The following UTP14C variants were observed in gnomAD, a reference collection of about 807,000 sequenced individuals.
The protein encoded by UTP14C is U3 small nucleolar RNA-associated protein 14 homolog C.
UTP14C carries 10 observed loss-of-function variants against 14.6 expected under a neutral mutation model. That is an observed-to-expected ratio of 0.68 (90% CI 0.42 to 1.16). The LOEUF (loss-of-function observed/expected upper bound fraction) is 1.16. UTP14C is among the 50% of genes most tolerant of loss of function. The pLI is 0.00. For synonymous variants in UTP14C, 315 were observed against 331.6 expected (o/e 0.95, Z 0.54); for missense variants, 818 against 890.8 (o/e 0.92, Z 1.04).
Position 52,030,925 on chromosome 13 carries a change from C to T in UTP14C, c.2121C>T (p.Asn707=). The change falls in exon 2 of 2, where the codon AAC becomes AAT. Residue 707 remains asparagine, a synonymous_variant. Transcript: ENST00000521776. ...AGACCCCTATAGGATCCACATGGAA[C>T]ACCCAGAGGGCTTTCCAAAAGCTGA... ...TIQTPIGSTW[N]TQRAFQKLTT... is the part of the protein sequence containing the mutation. 2 of 1,614,186 alleles carry T rather than the reference C, an allele frequency of 1.2e-6. No homozygotes were observed. Among genetic ancestry groups the T allele is most frequent in the Non-Finnish European group, 1.7e-6 (2 of 1,180,024 alleles).
intron 1 of UTP14C, among the ~76,000 whole-genome samples, chr13:52,025,270 G>A (rs41292792): frequency 0.1 from 15,698 of 152,176 alleles, 814 homozygotes; most frequent in Middle Eastern, 0.13. Flanking sequence ...GAAATTGCTC[G>A]AGTTCAGTTA....
At chr13:52,025,766 TCA>T (rs1173972600) in intron 1 of UTP14C, among the ~76,000 whole-genome samples, 1 of 152,248 alleles carries the variant, frequency 6.6e-6, no homozygotes, top group East Asian at 1.9e-4. Context: ...GCTTTGTGCC[TCA>T]CACTGTTAGT....
intron 1 of UTP14C, 63 bp downstream of exon 1, chr13:52,025,000 T>C (rs1954227264): frequency 6.7e-7 from 1 of 1,501,970 alleles, no homozygotes. Flanking sequence ...GTTCTTTTGA[T>C]AAAATGATAA....
rs1156339019 is a variant in UTP14C at position 52,029,884 on chromosome 13, G to A, written c.1080G>A (p.Ala360=). 1.1e-5 allele frequency: 17 copies of A among 1,614,080 alleles called. No individual in the cohort carries two copies. The highest frequency in any genetic ancestry group is 3.3e-5 in the Admixed American group (2 of 60,004). Residue 360 remains alanine, a synonymous_variant, in exon 2 of 2, where the codon GCG becomes GCA. Coordinates refer to ENST00000521776, the MANE Select transcript of UTP14C (RefSeq NM_021645.6). ...AAGAACTCCTTGTCCCTCATGTAGC[G>A]AATGAAGTGCAGATGAATGTGGACG... is the stretch of plus-strand genomic sequence containing the variant. ...EVEELLVPHV[A]NEVQMNVDGP... is the part of the protein sequence containing the mutation.
rs748705291 is a variant in UTP14C at position 52,030,322 on chromosome 13, A to G, written c.1518A>G (p.Val506=). ...EPLLLQRSER[V]QTLEELEELG... ...TATTGCTACAGAGGTCAGAGAGAGT[A>G]CAAACTCTGGAAGAGCTAGAAGAGC... Residue 506 remains valine (V), a synonymous_variant, in exon 2 of 2, where the codon GTA becomes GTG. Transcript: ENST00000521776. The G allele has an allele frequency of 1.9e-6, 3 of 1,614,244 alleles. No homozygotes were observed. In the South Asian group the frequency reaches 3.3e-5, roughly 18 times the overall value.
At position 52,028,797 on chromosome 13, in the gene UTP14C, C is replaced by T. The variant is rs1172919363; in HGVS notation, c.-8C>T. On this transcript the variant is annotated 5_prime_UTR_variant, in exon 2 of 2. Transcript: ENST00000521776. ...TCTTGGTATACATGAGAGAGGCTGG[C>T]TGCTGAGATGAATGTGAACCAGGTT... 1 of 1,614,134 alleles carries T rather than the reference C, an allele frequency of 6.2e-7. No individual in the cohort carries two copies. Among genetic ancestry groups the T allele is most frequent in the South Asian group, 1.1e-5 (1 of 91,082 alleles).
chr13:52,028,305 G>T lies in UTP14C; in HGVS notation c.-486-14G>T, dbSNP rs752238208. On this transcript the variant is annotated splice_polypyrimidine_tract_variant and intron_variant, in intron 1 of 1. Transcript: ENST00000521776. ...AAACTTAAAAGATTACATGATTTGT[G>T]TTTTTTTTCTCAGGAGTTGTGGAGT... is the stretch of plus-strand genomic sequence containing the variant. The T allele has an allele frequency of 6.2e-7, 1 of 1,613,630 alleles. No homozygotes were observed. The highest frequency in any genetic ancestry group is 8.5e-7 in the Non-Finnish European group (1 of 1,179,726).
rs1053490230 is a variant in UTP14C at position 52,030,829 on chromosome 13, C to T, written c.2025C>T (p.His675=). 4 of 1,614,174 alleles carry T rather than the reference C, an allele frequency of 2.5e-6. No individual in the cohort carries two copies. The highest frequency in any genetic ancestry group is 2.2e-5 in the East Asian group (1 of 44,884). ...TTATCAGTGAGAAGCGCAACATCCA[C>T]GCAGCAGCTCATCAGGTACAAGTGC... is the stretch of plus-strand genomic sequence containing the variant. ...NVIISEKRNI[H]AAAHQVQVLP... Residue 675 remains histidine (H), a synonymous_variant, in exon 2 of 2, where the codon CAC becomes CAT. Transcript: ENST00000521776.
chr13:52,033,344 A>C lies in UTP14C; in HGVS notation c.*2239A>C, dbSNP rs898446573. 3 of 167,068 alleles carry C rather than the reference A, an allele frequency of 1.8e-5. No individual in the cohort carries two copies. The highest frequency in any genetic ancestry group is 4.4e-5 in the Non-Finnish European group (3 of 68,118). The allele number at this position is 167,068 out of a possible 1,614,324, so 10.3% of individuals were successfully genotyped here. A position where few individuals can be genotyped will look rare whatever the true frequency, so the allele number is the denominator to read the frequency against. Reference sequence around the variant, plus strand: ...TTGTGTACTATAAAGTGTGTGTTACATAGGTTTTGTGTAATAATTATTTGT... The same window carrying C: ...TTGTGTACTATAAAGTGTGTGTTACCTAGGTTTTGTGTAATAATTATTTGT... On this transcript the variant is annotated 3_prime_UTR_variant, in exon 2 of 2. Transcript: ENST00000521776.
In UTP14C at chr13:52,029,012, G is replaced by A. The variant is rs777158372; in HGVS notation, c.208G>A (p.Val70Met). ...TGAGAGGTCTGAGGCTAGTCTGAAA[G>A]TGTCAGAGTTCAGTGTCAGTTCTGA... ...LAERSEASLK[V>M]SEFSVSSEGS... Residue 70 changes from valine to methionine, a missense_variant, in exon 2 of 2, where the codon GTG becomes ATG. Transcript: ENST00000521776. 2 of 1,614,270 alleles carry A rather than the reference G, an allele frequency of 1.2e-6. No individual in the cohort carries two copies. The highest frequency in any genetic ancestry group is 8.5e-7 in the Non-Finnish European group (1 of 1,180,048).
chr13:52,028,325 T>C lies in UTP14C; in HGVS notation c.-480T>C, dbSNP rs200978613. On this transcript the variant is annotated 5_prime_UTR_variant, in exon 2 of 2. Transcript: ENST00000521776. ...TTTGTGTTTTTTTTCTCAGGAGTTG[T>C]GGAGTGTATGGCAGCTGGCACAATT... 71 of 1,614,014 alleles carry C rather than the reference T, an allele frequency of 4.4e-5. No homozygotes were observed. The highest frequency in any genetic ancestry group is 8.5e-6 in the Non-Finnish European group (10 of 1,180,034).
In UTP14C at chr13:52,029,429, G is replaced by T. The variant is rs781704785; in HGVS notation, c.625G>T (p.Ala209Ser). 1.9e-6 allele frequency: 3 copies of T among 1,614,136 alleles called. No individual in the cohort carries two copies. Among genetic ancestry groups the T allele is most frequent in the Admixed American group, 1.7e-5 (1 of 60,020 alleles). The stretch of plus-strand genomic sequence containing the variant: ...TCCTTTACTGACTCCCATGGAAAAG[G>T]CCTCTCTCCAAGCCATGAGCCTGGA... The part of the protein sequence containing the change: ...TDPLLTPMEK[A>S]SLQAMSLEEA... Residue 209 changes from alanine to serine, a missense_variant, in exon 2 of 2, where the codon GCC becomes TCC. Transcript: ENST00000521776.
chr13:52,024,958 A>G, intron 1 of UTP14C, 21 bp downstream of exon 1: 1 of 1,597,424 alleles, frequency 6.3e-7, no homozygotes, highest in Non-Finnish European at 8.5e-7. Context: ...CCTTTAAACA[A>G]CTTGTTTGGT....
Position 52,031,238 on chromosome 13 carries a change from A to C in UTP14C, c.*133A>C, listed in dbSNP as rs1428752309. The C allele has an allele frequency of 4.6e-5, 61 of 1,334,602 alleles. 1 individual carries two copies. Among genetic ancestry groups the C allele is most frequent in the Non-Finnish European group, 5.7e-5 (56 of 990,344 alleles). 82.7% of individuals were successfully genotyped at this position (1,334,602 alleles called of 1,614,324 possible). ...TAGTTGAGCCACATTTTTTAAAAAA[A>C]GAAAATGGATGACCATTAATTGACT... On this transcript the variant is annotated 3_prime_UTR_variant, in exon 2 of 2. Transcript: ENST00000521776.
chr13:52,028,853 G>A lies in UTP14C; in HGVS notation c.49G>A (p.Glu17Lys). ...AENLALSHQE[E>K]LVDLPKNYPL... ...GAATCTGGCTTTGAGCCACCAGGAAGAACTAGTGGATTTGCCAAAAAACTA... is the reference window on the plus strand; with the variant it reads ...GAATCTGGCTTTGAGCCACCAGGAAAAACTAGTGGATTTGCCAAAAAACTA... Residue 17 changes from glutamate to lysine, a missense_variant, in exon 2 of 2, where the codon GAA becomes AAA. By Grantham distance (56) the Glu-to-Lys change is moderately conservative (BLOSUM62 1). Coordinates refer to ENST00000521776, the MANE Select transcript of UTP14C (RefSeq NM_021645.6). The A allele has an allele frequency of 6.2e-7, 1 of 1,614,230 alleles. No homozygotes were observed. Among genetic ancestry groups the A allele is most frequent in the Non-Finnish European group, 8.5e-7 (1 of 1,180,042 alleles).
rs1013569887 is a variant in UTP14C at position 52,033,081 on chromosome 13, A to G, written c.*1976A>G. The G allele has an allele frequency of 6.0e-6, 1 of 167,134 alleles. No homozygotes were observed. The highest frequency in any genetic ancestry group is 2.1e-4 in the South Asian group (1 of 4,834). 10.4% of individuals were successfully genotyped at this position (167,134 alleles called of 1,614,324 possible). ...AAAATTATTTTCATATATCACAGATATATCATTGGAAGATATAATTTGCAT... is the reference window on the plus strand; with the variant it reads ...AAAATTATTTTCATATATCACAGATGTATCATTGGAAGATATAATTTGCAT... On this transcript the variant is annotated 3_prime_UTR_variant, in exon 2 of 2. Coordinates refer to ENST00000521776, the MANE Select transcript of UTP14C (RefSeq NM_021645.6).
In UTP14C at chr13:52,028,857, T is replaced by C. The variant is rs746660464; in HGVS notation, c.53T>C (p.Leu18Pro). 6.2e-7 allele frequency: 1 copy of C among 1,614,216 alleles called. No individual in the cohort carries two copies. The highest frequency in any genetic ancestry group is 1.7e-5 in the Admixed American group (1 of 60,030). ...CTGGCTTTGAGCCACCAGGAAGAAC[T>C]AGTGGATTTGCCAAAAAACTACCCC... ...ENLALSHQEELVDLPKNYPLS... is the reference protein window; with the variant it reads ...ENLALSHQEEPVDLPKNYPLS... The change falls in exon 2 of 2, where the codon CTA (leucine) becomes CCA (proline). Residue 18 changes from leucine (L) to proline (P), a missense_variant. Coordinates refer to ENST00000521776, the MANE Select transcript of UTP14C (RefSeq NM_021645.6).
At chr13:52,027,227 T>G (rs978968640) in intron 1 of UTP14C, among the ~76,000 whole-genome samples, 1 of 152,062 alleles carries the variant, frequency 6.6e-6, no homozygotes, top group Non-Finnish European at 1.5e-5. Context: ...AACCACACTT[T>G]CAGTAAGTTT....
chr13:52,027,296 C>T (rs1395911698), intron 1 of UTP14C, among the ~76,000 whole-genome samples: 1 of 151,966 alleles, frequency 6.6e-6, no homozygotes, highest in African/African-American at 2.4e-5. Flanking sequence ...TGTTGCAGGA[C>T]CTGAGAAAGG....
Sources: allele counts gnomAD v4.1 joint callset (sites outside exome capture counted in the v4.1 genomes callset), GRCh38; gene constraint gnomAD v4.1.1; transcripts MANE v1.5; gene names NCBI Gene and HGNC (gene_info 2026-07-23, HGNC 2026-07-21).